The following RIMS4 variants were observed in gnomAD, a reference collection of about 807,000 sequenced individuals.
The protein encoded by RIMS4 is regulating synaptic membrane exocytosis protein 4.
A neutral mutation model predicts 29.0 loss-of-function variants in RIMS4; 9 were observed. That is an observed-to-expected ratio of 0.31 (90% CI 0.19 to 0.54). The LOEUF (loss-of-function observed/expected upper bound fraction) is 0.54. Ranked by LOEUF, RIMS4 falls within the 20% of genes least tolerant of loss-of-function variation. The pLI, the probability that RIMS4 is intolerant of heterozygous loss-of-function variation, is 0.94. For missense variants in RIMS4, 193 were observed against 365.7 expected (o/e 0.53, Z 3.85); for synonymous variants, 130 against 152.9 (o/e 0.85, Z 1.10).
intron 1 of RIMS4, among the ~76,000 whole-genome samples, chr20:44,809,896 C>A (rs1820571658): frequency 6.6e-6 from 1 of 151,940 alleles, no homozygotes; most frequent in African/African-American, 2.4e-5. Flanking sequence ...AGGCAAGGGG[C>A]CTCCAATAGG....
At chr20:44,784,956 C>A (rs978303126) in intron 1 of RIMS4, among the ~76,000 whole-genome samples, 1 of 152,216 alleles carries the variant, frequency 6.6e-6, no homozygotes, top group Non-Finnish European at 1.5e-5. Flanking sequence ...GATTCTAATT[C>A]AGCAGGTCTC....
chr20:44,785,556 T>C (rs1432728630), intron 1 of RIMS4, among the ~76,000 whole-genome samples: 1 of 152,092 alleles, frequency 6.6e-6, no homozygotes, highest in Non-Finnish European at 1.5e-5. Flanking sequence ...CAAATCTTAG[T>C]TCCTGCAGAA....
intron 2 of RIMS4, among the ~76,000 whole-genome samples, chr20:44,763,210 T>G (rs1205012665): frequency 6.6e-6 from 1 of 152,212 alleles, no homozygotes; most frequent in Non-Finnish European, 1.5e-5. Context: ...ACGCAGACCC[T>G]GGATGCCAGT....
chr20:44,781,858 T>C (rs1258775725), intron 1 of RIMS4, among the ~76,000 whole-genome samples: 2 of 152,180 alleles, frequency 1.3e-5, no homozygotes, highest in Non-Finnish European at 2.9e-5. Context: ...CATATGGCAC[T>C]GGGAAGCTAC....
chr20:44,770,557 AG>A (rs2066132535), intron 2 of RIMS4, among the ~76,000 whole-genome samples: 1 of 152,138 alleles, frequency 6.6e-6, no homozygotes, highest in Non-Finnish European at 1.5e-5. Flanking sequence ...GAGTTGCTCT[AG>A]GGTAAAAGCT....
chr20:44,778,446 T>TGGGAGGACTGCTTGAGCCC (rs962827142), intron 1 of RIMS4, among the ~76,000 whole-genome samples: 1 of 152,128 alleles, frequency 6.6e-6, no homozygotes, highest in Non-Finnish European at 1.5e-5. Context: ...GAGGCCAAGA[T>TGGGAGGACTGCTTGAGCCC]GGGAGGACTG....
intron 1 of RIMS4, among the ~76,000 whole-genome samples, chr20:44,788,473 C>T (rs868135171): frequency 8.5e-5 from 13 of 152,086 alleles, no homozygotes; most frequent in African/African-American, 2.9e-4. Flanking sequence ...ATGAAGTTGA[C>T]CATGAAGAGG....
chr20:44,768,009 G>A (rs1022916133), intron 2 of RIMS4, among the ~76,000 whole-genome samples: 2 of 152,162 alleles, frequency 1.3e-5, no homozygotes, highest in Non-Finnish European at 2.9e-5. Flanking sequence ...ATCACACTTC[G>A]AATAGCAAGG....
chr20:44,762,203 G>A (rs769207043), intron 2 of RIMS4, among the ~76,000 whole-genome samples: 1 of 152,248 alleles, frequency 6.6e-6, no homozygotes, highest in South Asian at 2.1e-4. Flanking sequence ...AGGAGGCAGA[G>A]CTCAGGCGGT....
intron 1 of RIMS4, among the ~76,000 whole-genome samples, chr20:44,781,223 A>G (rs2066183212): frequency 6.6e-6 from 1 of 152,226 alleles, no homozygotes; most frequent in Non-Finnish European, 1.5e-5. Flanking sequence ...CTCATAACAT[A>G]GATGAATTAA....
chr20:44,760,737 A>G (rs1223458271), intron 2 of RIMS4, among the ~76,000 whole-genome samples: 1 of 152,010 alleles, frequency 6.6e-6, no homozygotes, highest in Non-Finnish European at 1.5e-5. Context: ...CATACTATGC[A>G]CTCTATTGTG....
chr20:44,784,599 T>C (rs2066199698), intron 1 of RIMS4, among the ~76,000 whole-genome samples: 1 of 152,362 alleles, frequency 6.6e-6, no homozygotes, highest in East Asian at 1.9e-4. Flanking sequence ...TTCTGCAGGA[T>C]AGCAGCTAAC....
At chr20:44,766,171 G>A (rs1264072013) in intron 2 of RIMS4, among the ~76,000 whole-genome samples, 1 of 152,148 alleles carries the variant, frequency 6.6e-6, no homozygotes, top group East Asian at 1.9e-4. Flanking sequence ...CCACGCCCAG[G>A]ACAGACATTG....
intron 1 of RIMS4, among the ~76,000 whole-genome samples, chr20:44,775,083 T>A (rs1177720881): frequency 6.6e-6 from 1 of 152,104 alleles, no homozygotes; most frequent in Admixed American, 6.5e-5. Context: ...TTTCATTCTC[T>A]CAACAGACAT....
intron 1 of RIMS4, among the ~76,000 whole-genome samples, chr20:44,799,433 C>T (rs1342108929): frequency 6.6e-6 from 1 of 151,960 alleles, no homozygotes; most frequent in Non-Finnish European, 1.5e-5. Flanking sequence ...TGGTAAGTTT[C>T]CTGAGGCCAG....
At chr20:44,776,760 C>A (rs188264956) in intron 1 of RIMS4, among the ~76,000 whole-genome samples, 102 of 152,284 alleles carry the variant, frequency 6.7e-4, no homozygotes, top group Non-Finnish European at 1.2e-3. Context: ...ATGGTTATTA[C>A]CATTGTGCTA....
At chr20:44,787,132 G>A (rs1318951402) in intron 1 of RIMS4, among the ~76,000 whole-genome samples, 1 of 152,130 alleles carries the variant, frequency 6.6e-6, no homozygotes, top group African/African-American at 2.4e-5. Context: ...AAACGTAAAG[G>A]CCCGTGGCAG....
intron 1 of RIMS4, among the ~76,000 whole-genome samples, chr20:44,785,251 A>G (rs1261376565): frequency 7.0e-6 from 1 of 142,540 alleles, no homozygotes; most frequent in Non-Finnish European, 1.5e-5. Context: ...TTTTTCTTTT[A>G]TAAGAGATAG....
chr20:44,774,914 G>A (rs1019032130), intron 1 of RIMS4, among the ~76,000 whole-genome samples: 4 of 151,912 alleles, frequency 2.6e-5, no homozygotes, highest in African/African-American at 7.3e-5. Flanking sequence ...TAACTTCCTC[G>A]GAGAACAGCC....
Sources: allele counts gnomAD v4.1 joint callset (sites outside exome capture counted in the v4.1 genomes callset), GRCh38; gene constraint gnomAD v4.1.1; transcripts MANE v1.5; gene names NCBI Gene and HGNC (gene_info 2026-07-23, HGNC 2026-07-21).